Variants in FHIT observed in about 807,000 individuals in gnomAD.
FHIT encodes bis(5'-adenosyl)-triphosphatase.
FHIT carries 19 observed loss-of-function variants against 17.9 expected under a neutral mutation model. That is an observed-to-expected ratio of 1.06 (90% CI 0.74 to 1.56). The LOEUF (loss-of-function observed/expected upper bound fraction) is 1.56. FHIT is among the 40% of genes most tolerant of loss of function. The pLI, the probability that FHIT is intolerant of heterozygous loss-of-function variation, is 0.00. For synonymous variants in FHIT, 81 were observed against 69.7 expected (o/e 1.16, Z -0.81); for missense variants, 248 against 189.2 (o/e 1.31, Z -1.82).
intron 3 of FHIT, among the ~76,000 whole-genome samples, chr3:61,011,001 T>G (rs1415541758): frequency 2.6e-5 from 4 of 152,226 alleles, no homozygotes. Flanking sequence ...ATTCACATTC[T>G]CTAACATGAG....
intron 8 of FHIT, among the ~76,000 whole-genome samples, chr3:59,763,039 T>A (rs746361821): frequency 1.3e-5 from 2 of 152,340 alleles, no homozygotes; most frequent in Admixed American, 6.5e-5. Flanking sequence ...GTAAGCCTTT[T>A]TCCCCCCCGC....
intron 5 of FHIT, among the ~76,000 whole-genome samples, chr3:60,182,104 T>C (rs1701964927): frequency 6.6e-6 from 1 of 152,230 alleles, no homozygotes; most frequent in African/African-American, 2.4e-5. Context: ...GCTGTTGCCA[T>C]GGCACTTGTA....
chr3:60,841,956 G>C (rs1702736310), intron 3 of FHIT, among the ~76,000 whole-genome samples: 2 of 152,188 alleles, frequency 1.3e-5, no homozygotes, highest in South Asian at 4.1e-4. Flanking sequence ...GGCTCTCAGG[G>C]ATGGGCTGAG....
chr3:60,223,963 C>T lies in FHIT; in HGVS notation c.104-209811G>A, dbSNP rs192523362. On this transcript the variant is annotated intron_variant, in intron 5 of 9. Coordinates refer to ENST00000492590, the MANE Select transcript of FHIT (RefSeq NM_002012.4). ...CAATTCTTGGTCGTGGTGCTTGATCCTCAGGTTAAAGCAACTGAACTCTAG... is the reference window on the plus strand; with the variant it reads ...CAATTCTTGGTCGTGGTGCTTGATCTTCAGGTTAAAGCAACTGAACTCTAG... Among the ~76,000 whole-genome samples, 9 of 152,222 alleles carry T rather than the reference C, an allele frequency of 5.9e-5. No individual in the cohort carries two copies. The East Asian group carries it at 1.5e-3, about 26-fold the overall frequency.
At chr3:60,823,816 G>C (rs936678884) in intron 3 of FHIT, among the ~76,000 whole-genome samples, 1 of 152,142 alleles carries the variant, frequency 6.6e-6, no homozygotes, top group Non-Finnish European at 1.5e-5. Flanking sequence ...TCACTGAAAA[G>C]GTAATGTCTC....
At chr3:60,565,236 T>C (rs1300694356) in intron 4 of FHIT, among the ~76,000 whole-genome samples, 1 of 152,192 alleles carries the variant, frequency 6.6e-6, no homozygotes, top group East Asian at 1.9e-4. Flanking sequence ...TTCACATGAC[T>C]GATTTATTGC....
intron 5 of FHIT, among the ~76,000 whole-genome samples, chr3:60,363,837 T>C (rs1051370742): frequency 6.6e-6 from 1 of 152,144 alleles, no homozygotes; most frequent in Admixed American, 6.5e-5. Flanking sequence ...CAGTTCAGGA[T>C]ATTTATTCCT....
intron 4 of FHIT, among the ~76,000 whole-genome samples, chr3:60,604,522 G>A (rs1247348862): frequency 6.6e-6 from 1 of 152,212 alleles, no homozygotes; most frequent in Non-Finnish European, 1.5e-5. Flanking sequence ...AAGTATGAAA[G>A]GGTTGGGCTG....
chr3:60,500,978 T>C (rs2034502861), intron 5 of FHIT, among the ~76,000 whole-genome samples: 1 of 152,018 alleles, frequency 6.6e-6, no homozygotes, highest in African/African-American at 2.4e-5. Context: ...AACTGCAGTT[T>C]TCACAATAAA....
chr3:60,958,300 T>A (rs1266779715), intron 3 of FHIT, among the ~76,000 whole-genome samples: 1 of 152,190 alleles, frequency 6.6e-6, no homozygotes, highest in African/African-American at 2.4e-5. Flanking sequence ...AAAACCCATA[T>A]ATTTAAACTT....
intron 5 of FHIT, among the ~76,000 whole-genome samples, chr3:60,344,807 T>C (rs1576508428): frequency 6.6e-6 from 1 of 152,140 alleles, no homozygotes; most frequent in East Asian, 1.9e-4. Flanking sequence ...ATCAAATCAG[T>C]CCATCACCCA....
intron 4 of FHIT, among the ~76,000 whole-genome samples, chr3:60,699,580 T>C (rs1230866242): frequency 3.3e-5 from 5 of 151,928 alleles, no homozygotes; most frequent in Non-Finnish European, 4.4e-5. Flanking sequence ...CATTTTTCTA[T>C]AAGATAAAAG....
At chr3:60,403,756 A>G (rs967105726) in intron 5 of FHIT, among the ~76,000 whole-genome samples, 2 of 152,168 alleles carry the variant, frequency 1.3e-5, no homozygotes, top group Admixed American at 6.5e-5. Context: ...TCATATTTCT[A>G]TATGGCTCTC....
intron 5 of FHIT, among the ~76,000 whole-genome samples, chr3:60,257,275 T>C (rs978088022): frequency 6.6e-6 from 1 of 152,190 alleles, no homozygotes; most frequent in Non-Finnish European, 1.5e-5. Context: ...TCCTAACAGA[T>C]CCTTGCTCTA....
At chr3:60,728,336 C>G (rs1261208128) in intron 4 of FHIT, among the ~76,000 whole-genome samples, 1 of 152,172 alleles carries the variant, frequency 6.6e-6, no homozygotes, top group Non-Finnish European at 1.5e-5. Context: ...CACATTAACT[C>G]CTTTCTTTTA....
At chr3:60,348,982 G>A (rs1257551297) in intron 5 of FHIT, among the ~76,000 whole-genome samples, 1 of 152,168 alleles carries the variant, frequency 6.6e-6, no homozygotes, top group Non-Finnish European at 1.5e-5. Context: ...TTGCCTAGGT[G>A]ACCCCAGCTG....
chr3:60,457,462 T>A (rs1206351972), intron 5 of FHIT, among the ~76,000 whole-genome samples: 4 of 151,942 alleles, frequency 2.6e-5, no homozygotes, highest in East Asian at 1.9e-4. Flanking sequence ...ATGTTAGACC[T>A]AAAACCATAA....
At position 60,948,322 on chromosome 3, in the gene FHIT, C is replaced by T. The variant is rs539597239; in HGVS notation, c.-111+93725G>A. On this transcript the variant is annotated intron_variant, in intron 3 of 9. Coordinates refer to ENST00000492590, the MANE Select transcript of FHIT (RefSeq NM_002012.4). ...TTGGTAAGGTGGATTCTGCCAGATG[C>T]CAGCCTTGGATCCATTTTGGGTCCC... Among the ~76,000 whole-genome samples the T allele has an allele frequency of 2.6e-5, 4 of 152,260 alleles. No homozygotes were observed. In the South Asian group the frequency reaches 8.3e-4, roughly 32 times the overall value.
At chr3:59,860,646 A>G (rs1404894929) in intron 8 of FHIT, among the ~76,000 whole-genome samples, 1 of 152,204 alleles carries the variant, frequency 6.6e-6, no homozygotes, top group African/African-American at 2.4e-5. Flanking sequence ...TGGTGAGCAC[A>G]GGGCAGTCAG....
Sources: allele counts gnomAD v4.1 joint callset (sites outside exome capture counted in the v4.1 genomes callset), GRCh38; gene constraint gnomAD v4.1.1; transcripts MANE v1.5; gene names NCBI Gene and HGNC (gene_info 2026-07-23, HGNC 2026-07-21).